TLN1: variants seen among roughly 807,000 people sequenced by gnomAD.
TLN1 encodes talin-1.
Under a neutral mutation model 292.3 loss-of-function variants are expected in TLN1, and 56 were observed. The observed-to-expected ratio is 0.19, with a 90% CI of 0.15 to 0.24. TLN1 has a LOEUF of 0.24. Among genes scored for constraint, TLN1 ranks in the 10% least tolerant of loss-of-function variants. The pLI is 1.00. For synonymous variants in TLN1, 1,119 were observed against 1,253.7 expected, an observed-to-expected ratio of 0.89 and a Z score of 2.27; for missense variants, 2,433 against 3,248.2, an observed-to-expected ratio of 0.75 and a Z score of 6.10.
Position 35,720,045 on chromosome 9 carries a change from A to G in TLN1, c.1458T>C (p.Pro486=). Residue 486 remains proline (P), a synonymous_variant, in exon 13 of 57, where the codon CCT becomes CCC. Transcript: ENST00000314888. ...GTGGAAGTGGGACACTTACCAGAGG[A>G]GGCATGTGTCCTCGGTGCATCTGGC... is the stretch of plus-strand genomic sequence containing the variant. ...TSGQMHRGHM[P]PLTSAQQALT... 1 of 1,587,152 alleles carries G rather than the reference A, an allele frequency of 6.3e-7. No individual in the cohort carries two copies. Among genetic ancestry groups the G allele is most frequent in the South Asian group, 1.2e-5 (1 of 86,452 alleles).
intron 20 of TLN1, among the ~76,000 whole-genome samples, chr9:35,715,578 C>T (rs1303342517): frequency 1.3e-5 from 2 of 152,326 alleles, no homozygotes; most frequent in Admixed American, 1.3e-4. Flanking sequence ...TCCAGGGGGC[C>T]TAGGAATCAT....
chr9:35,708,553 G>C lies in TLN1; in HGVS notation c.4327-69C>G, dbSNP rs1471201992. 5 of 1,413,550 alleles carry C rather than the reference G, an allele frequency of 3.5e-6. No homozygotes were observed. In the East Asian group the frequency reaches 1.3e-4, roughly 36 times the overall value. The allele number at this position is 1,413,550 out of a possible 1,614,324, so 87.6% of individuals were successfully genotyped here. On this transcript the variant is annotated intron_variant, in intron 33 of 56. Coordinates refer to ENST00000314888, the MANE Select transcript of TLN1 (RefSeq NM_006289.4). The stretch of plus-strand genomic sequence containing the variant: ...GGTGGGAAATGAATAGTGATAGTAG[G>C]GACAAAAGAGAGCAGAGGTAAGTTT...
At chr9:35,709,758 G>A (rs887726123) in intron 33 of TLN1, among the ~76,000 whole-genome samples, 3 of 150,622 alleles carry the variant, frequency 2.0e-5, no homozygotes, top group African/African-American at 4.9e-5. Context: ...ATGGTGGCGC[G>A]CGCCTGTAGT....
In TLN1 at chr9:35,723,658, T is replaced by C; in HGVS notation, c.782+294A>G. ...CCCATGTTCCCTATAGGGAAAATTT[T>C]ACCCGGTTTCCCTCTGGCTACTGCA... On this transcript the variant is annotated intron_variant, in intron 7 of 56. Transcript: ENST00000314888. 4 of 348,284 alleles carry C rather than the reference T, an allele frequency of 1.1e-5. No individual in the cohort carries two copies. In the South Asian group the frequency reaches 1.2e-4, roughly 10 times the overall value. The allele number at this position is 348,284 out of a possible 1,614,324, so 21.6% of individuals were successfully genotyped here. A position where few individuals can be genotyped will look rare whatever the true frequency, so the allele number is the denominator to read the frequency against.
rs754909412 is a variant in TLN1 at position 35,707,351 on chromosome 9, A to C, written c.4770T>G (p.Pro1590=). ...EFSSIPAQIS[P]EGRAAMEPIV... ...TTCCCCCTTCACATCGCCTCACCTCAGGGCTGATCTGGGCAGGAATGCTGG... is the reference window on the plus strand; with the variant it reads ...TTCCCCCTTCACATCGCCTCACCTCCGGGCTGATCTGGGCAGGAATGCTGG... The change falls in exon 36 of 57, where the codon CCT becomes CCG. Residue 1590 remains proline (P), a synonymous_variant. Transcript: ENST00000314888. This position sits in a 1 kb window ranked among gnomAD's most constrained non-coding sequence, Gnocchi z 5.6. The C allele has an allele frequency of 6.2e-7, 1 of 1,614,120 alleles. No individual in the cohort carries two copies. The highest frequency in any genetic ancestry group is 8.5e-7 in the Non-Finnish European group (1 of 1,179,994).
Position 35,697,456 on chromosome 9 carries a change from A to T in TLN1, c.*335T>A. The T allele has an allele frequency of 3.1e-6, 1 of 321,794 alleles. No homozygotes were observed. Among genetic ancestry groups the T allele is most frequent in the East Asian group, 5.9e-5 (1 of 16,898 alleles). 19.9% of individuals were successfully genotyped at this position (321,794 alleles called of 1,614,324 possible). A position where few individuals can be genotyped will look rare whatever the true frequency, so the allele number is the denominator to read the frequency against. ...CAAAAAACGGTGAAGAGAGCTGATG[A>T]GGCTGTGGGGACTGGCCGGAAGCTG... is the stretch of plus-strand genomic sequence containing the variant. On this transcript the variant is annotated 3_prime_UTR_variant, in exon 57 of 57. Coordinates refer to ENST00000314888, the MANE Select transcript of TLN1 (RefSeq NM_006289.4).
intron 19 of TLN1, 54 bp from the exon 20 acceptor site, chr9:35,716,610 G>A: frequency 2.5e-6 from 4 of 1,590,208 alleles, no homozygotes; most frequent in Non-Finnish European, 3.4e-6. Context: ...GAGGTGTCAG[G>A]GGTGGGGACA....
chr9:35,720,400 TG>T, intron 12 of TLN1, 32 bp downstream of exon 12: 1 of 1,609,580 alleles, frequency 6.2e-7, no homozygotes, highest in Non-Finnish European at 8.5e-7. Flanking sequence ...TCTCTACCCC[TG>T]GGAAATGGGA....
At chr9:35,725,782 C>T in intron 1 of TLN1, 55 bp from the exon 2 acceptor site, 1 of 1,518,994 alleles carries the variant, frequency 6.6e-7, no homozygotes, top group East Asian at 2.3e-5. Context: ...AGAAGAGGCC[C>T]CCCAGATGGT....
In TLN1 at chr9:35,717,922, C is replaced by T; in HGVS notation, c.1996-136G>A. The T allele has an allele frequency of 9.7e-7, 1 of 1,036,040 alleles. No homozygotes were observed. Among genetic ancestry groups the T allele is most frequent in the Non-Finnish European group, 1.4e-6 (1 of 729,326 alleles). The allele number at this position is 1,036,040 out of a possible 1,614,324, so 64.2% of individuals were successfully genotyped here. On this transcript the variant is annotated intron_variant, in intron 17 of 56. Coordinates refer to ENST00000314888, the MANE Select transcript of TLN1 (RefSeq NM_006289.4). The surrounding 1 kb of genome is among the most constrained non-coding windows in gnomAD (Gnocchi z 4.7). ...GTACGCAGAAGCAACCAGAACCTAC[C>T]CCGAGCTACTGCCCTGAGCACCCAG... is the stretch of plus-strand genomic sequence containing the variant.
At chr9:35,716,632 A>G (rs879180771) in intron 19 of TLN1, 76 bp from the exon 20 acceptor site, 1 of 1,537,318 alleles carries the variant, frequency 6.5e-7, no homozygotes, top group Non-Finnish European at 8.8e-7. Context: ...AGGTGGGGAA[A>G]AGTGGTGTAG....
chr9:35,710,387 G>A (rs960558061), intron 33 of TLN1, among the ~76,000 whole-genome samples, 174 bp downstream of exon 33: 8 of 152,162 alleles, frequency 5.3e-5, no homozygotes, highest in African/African-American at 1.9e-4. Context: ...CAGAACTGCT[G>A]GTGTTCAGTA....
chr9:35,731,217 T>TA (rs1426663600), intron 1 of TLN1, among the ~76,000 whole-genome samples: 2 of 152,204 alleles, frequency 1.3e-5, no homozygotes, highest in African/African-American at 4.8e-5. Flanking sequence ...GCCAACCTCT[T>TA]AAATTTTATC....
intron 30 of TLN1, 64 bp from the exon 31 acceptor site, chr9:35,711,146 T>C: frequency 6.2e-7 from 1 of 1,610,276 alleles, no homozygotes; most frequent in Non-Finnish European, 8.5e-7. Context: ...CCTATGTAAG[T>C]ATTTATCTTT....
rs893364572 is a variant in TLN1, at chr9:35,721,052, T to G, written c.1105-139A>C. 18 of 609,348 alleles carry G rather than the reference T, an allele frequency of 3.0e-5. No homozygotes were observed. In the East Asian group the frequency reaches 5.0e-4, roughly 17 times the overall value. The allele number at this position is 609,348 out of a possible 1,614,324, so 37.7% of individuals were successfully genotyped here. On this transcript the variant is annotated intron_variant, in intron 10 of 56. Coordinates refer to ENST00000314888, the MANE Select transcript of TLN1 (RefSeq NM_006289.4). Reference sequence around the variant, plus strand: ...CCTCTTGGAAGATGCCCACCTTTCTTGAACCTCCTCTTTATTTTCTCCTTG... The same window carrying G: ...CCTCTTGGAAGATGCCCACCTTTCTGGAACCTCCTCTTTATTTTCTCCTTG...
chr9:35,698,736 C>T lies in TLN1; in HGVS notation c.7126-57G>A, dbSNP rs1825412379. On this transcript the variant is annotated intron_variant, in intron 53 of 56. Coordinates refer to ENST00000314888, the MANE Select transcript of TLN1 (RefSeq NM_006289.4). This position sits in a 1 kb window ranked among gnomAD's most constrained non-coding sequence, Gnocchi z 5.3. ...GCATTTTCCTCACTTCAAAGACTCG[C>T]TGGCTATGGATGTGGATGTGGACAT... The T allele has an allele frequency of 6.2e-7, 1 of 1,614,110 alleles. No homozygotes were observed. The highest frequency in any genetic ancestry group is 8.5e-7 in the Non-Finnish European group (1 of 1,180,000).
chr9:35,728,653 T>C (rs1826019242), intron 1 of TLN1, among the ~76,000 whole-genome samples: 1 of 152,106 alleles, frequency 6.6e-6, no homozygotes, highest in Admixed American at 6.5e-5. Flanking sequence ...TGCATTATCT[T>C]CTCCTAGGGA....
At position 35,725,547 on chromosome 9, in the gene TLN1, C is replaced by G. The variant is rs747837971; in HGVS notation, c.130+18G>C. The G allele has an allele frequency of 4.4e-6, 7 of 1,608,668 alleles. No individual in the cohort carries two copies. The East Asian group carries it at 1.1e-4, about 26-fold the overall frequency. ...GACTGAAGACTCCCACTCCAGCCAC[C>G]GGGGGAGTCAGACTCACGAGGACCA... On this transcript the variant is annotated intron_variant, in intron 2 of 56. Coordinates refer to ENST00000314888, the MANE Select transcript of TLN1 (RefSeq NM_006289.4).
Position 35,712,845 on chromosome 9 carries a change from C to G in TLN1, c.3551G>C (p.Arg1184Pro), listed in dbSNP as rs761066476. Reference protein sequence around the residue: ...GHPGDPESQQRLAQVAKAVTQ... With the variant: ...GHPGDPESQQPLAQVAKAVTQ... The stretch of plus-strand genomic sequence containing the variant: ...TTCCCAGTATCTGACCTGGGCAAGC[C>G]GCTGCTGGCTCTCAGGGTCCCCTGG... Residue 1184 changes from arginine (R) to proline (P), a missense_variant, in exon 27 of 57, where the codon CGG (arginine) becomes CCG (proline). Physicochemically the swap from Arg to Pro is moderately radical, Grantham distance 103. Around this residue, in one of 7 missense-constraint regions of TLN1, gnomAD observed 1,384 missense variants for 1,699.6 expected, o/e 0.81. Coordinates refer to ENST00000314888, the MANE Select transcript of TLN1 (RefSeq NM_006289.4). 1 of 1,579,904 alleles carries G rather than the reference C, an allele frequency of 6.3e-7. No homozygotes were observed. Among genetic ancestry groups the G allele is most frequent in the African/African-American group, 1.3e-5 (1 of 74,382 alleles).
Sources: allele counts gnomAD v4.1 joint callset (sites outside exome capture counted in the v4.1 genomes callset), GRCh38; gene constraint gnomAD v4.1.1; regional missense constraint gnomAD v4.1.1; non-coding constraint Gnocchi (gnomAD v3.1); transcripts MANE v1.5; gene names NCBI Gene and HGNC (gene_info 2026-07-23, HGNC 2026-07-21).